Variants in MRC1 observed in about 807,000 individuals in gnomAD.
The protein encoded by MRC1 is macrophage mannose receptor 1.
A neutral mutation model predicts 102.9 loss-of-function variants in MRC1; 62 were observed. The ratio of observed to expected loss-of-function variants is 0.60; its 90% confidence interval spans 0.49 to 0.74. The LOEUF is 0.74. Among genes scored for constraint, MRC1 ranks in the 30% least tolerant of loss-of-function variants. The pLI, the probability that MRC1 is intolerant of heterozygous loss-of-function variation, is 0.00. For missense variants in MRC1, 1,237 were observed against 862.8 expected, an observed-to-expected ratio of 1.43 and a Z score of -5.43; for synonymous variants, 457 against 298.4, an observed-to-expected ratio of 1.53 and a Z score of -5.48.
chr10:17,824,298 A>G (rs1268140206), intron 2 of MRC1, among the ~76,000 whole-genome samples: 1 of 152,222 alleles, frequency 6.6e-6, no homozygotes, highest in Non-Finnish European at 1.5e-5. Flanking sequence ...ATCACATTTT[A>G]GGTTTGGATA....
At chr10:17,867,019 A>C (rs1304147585) in intron 12 of MRC1, among the ~76,000 whole-genome samples, 1 of 148,490 alleles carries the variant, frequency 6.7e-6, no homozygotes, top group Non-Finnish European at 1.5e-5. Flanking sequence ...TGCCGCTATC[A>C]CCTCCTCTCT....
intron 23 of MRC1, among the ~76,000 whole-genome samples, chr10:17,897,048 C>T (rs1352047717): frequency 6.6e-6 from 1 of 152,196 alleles, no homozygotes; most frequent in Non-Finnish European, 1.5e-5. Context: ...ATGAATGTGG[C>T]TGTGTTCCAG....
intron 23 of MRC1, 98 bp from the exon 24 acceptor site, chr10:17,897,936 T>G: frequency 2.6e-6 from 2 of 772,482 alleles, no homozygotes; most frequent in Admixed American, 3.4e-5. Context: ...TTATGCTACT[T>G]TGCTTATTTT....
chr10:17,894,008 T>C (rs945315148), intron 22 of MRC1, among the ~76,000 whole-genome samples: 43 of 152,302 alleles, frequency 2.8e-4, no homozygotes, highest in South Asian at 1.0e-3. Flanking sequence ...TCGATTCATA[T>C]AGTGAGAGTT....
At chr10:17,872,184 C>G in intron 15 of MRC1, 58 bp downstream of exon 15, 1 of 779,050 alleles carries the variant, frequency 1.3e-6, no homozygotes, top group Admixed American at 1.7e-5. Context: ...CCTGACACCC[C>G]AGAATCTTTC....
At chr10:17,861,248 G>A (rs1833180169) in intron 9 of MRC1, 139 bp from the exon 10 acceptor site, 1 of 528,370 alleles carries the variant, frequency 1.9e-6, no homozygotes, top group Non-Finnish European at 3.4e-6. Flanking sequence ...GGCAGGCGGA[G>A]GTTGCAGTGA....
intron 12 of MRC1, among the ~76,000 whole-genome samples, chr10:17,867,526 G>C (rs1054962116): frequency 3.3e-5 from 5 of 152,050 alleles, no homozygotes; most frequent in Middle Eastern, 3.4e-3. Context: ...GGGCTCAAGT[G>C]CTCCTCCCAC....
chr10:17,852,365 A>C (rs990277444), intron 7 of MRC1, among the ~76,000 whole-genome samples: 2,783 of 152,270 alleles, frequency 0.018, 86 homozygotes, highest in African/African-American at 0.063. Context: ...ATAGGTACCA[A>C]ATGTCAGGTG....
intron 7 of MRC1, among the ~76,000 whole-genome samples, 179 bp from the exon 8 acceptor site, chr10:17,852,788 C>T (rs898242575): frequency 2.0e-5 from 3 of 152,158 alleles, no homozygotes; most frequent in Admixed American, 6.5e-5. Flanking sequence ...ATGTAGTTGG[C>T]ATCTAAGTCG....
At chr10:17,866,434 C>G in intron 11 of MRC1, 128 bp from the exon 12 acceptor site, 3 of 758,132 alleles carry the variant, frequency 4.0e-6, no homozygotes, top group South Asian at 1.4e-5. Flanking sequence ...GTGTTACAAA[C>G]CCCCCTGCAT....
At chr10:17,831,612 A>C (rs1306175814) in intron 3 of MRC1, among the ~76,000 whole-genome samples, 9 of 151,412 alleles carry the variant, frequency 5.9e-5, no homozygotes, top group Non-Finnish European at 1.2e-4. Flanking sequence ...GTGCTTATGG[A>C]AAATTGCCTA....
At chr10:17,810,011 G>A (rs1022324703) in intron 1 of MRC1, among the ~76,000 whole-genome samples, 7 of 152,070 alleles carry the variant, frequency 4.6e-5, no homozygotes, top group Non-Finnish European at 7.4e-5. Context: ...GAGATTCTAA[G>A]CAATTTCCAT....
chr10:17,834,796 G>A (rs983835060), intron 4 of MRC1, among the ~76,000 whole-genome samples: 9 of 152,144 alleles, frequency 5.9e-5, no homozygotes, highest in Non-Finnish European at 8.8e-5. Flanking sequence ...GAGAGTATCC[G>A]TTTTAGCTTC....
chr10:17,909,954 A>G (rs1357076827), intron 29 of MRC1, among the ~76,000 whole-genome samples: 1 of 152,148 alleles, frequency 6.6e-6, no homozygotes, highest in Non-Finnish European at 1.5e-5. Flanking sequence ...GAAATAAGGT[A>G]TATATATTTT....
At chr10:17,888,494 C>T (rs1424206160) in intron 22 of MRC1, among the ~76,000 whole-genome samples, 1 of 152,038 alleles carries the variant, frequency 6.6e-6, no homozygotes, top group Non-Finnish European at 1.5e-5. Flanking sequence ...CTGCAGTCAC[C>T]TTTTTTTGGT....
At position 17,833,695 on chromosome 10, in the gene MRC1, T is replaced by C. The variant is rs781893230; in HGVS notation, c.658T>C (p.Trp220Arg). Reference protein sequence around the residue: ...PLKFEGSESLWNKDPLTSVSY... With the variant: ...PLKFEGSESLRNKDPLTSVSY... ...CACAGTTGAGGGCAGTGAAAGCTTA[T>C]GGAATAAAGACCCGCTGACCAGCGT... Residue 220 changes from tryptophan (W) to arginine (R), a missense_variant, in exon 4 of 30, where the codon TGG (tryptophan) becomes CGG (arginine). Transcript: ENST00000569591. The C allele has an allele frequency of 2.6e-6, 2 of 781,038 alleles. No individual in the cohort carries two copies. The highest frequency in any genetic ancestry group is 1.7e-5 in the Admixed American group (1 of 59,036). 48.4% of individuals were successfully genotyped at this position (781,038 alleles called of 1,614,324 possible). A position where few individuals can be genotyped will look rare whatever the true frequency, so the allele number is the denominator to read the frequency against.
At chr10:17,884,906 G>C (rs987662154) in intron 21 of MRC1, among the ~76,000 whole-genome samples, 1 of 152,250 alleles carries the variant, frequency 6.6e-6, no homozygotes, top group East Asian at 1.9e-4. Flanking sequence ...TTACAGAATC[G>C]GGACAGCTGC....
chr10:17,883,046 C>T (rs937160933), intron 21 of MRC1, among the ~76,000 whole-genome samples: 9 of 152,082 alleles, frequency 5.9e-5, no homozygotes, highest in Non-Finnish European at 1.2e-4. Flanking sequence ...AGAGCTTTTC[C>T]ATGTTTCATT....
chr10:17,904,999 C>T (rs1833877509), intron 26 of MRC1, among the ~76,000 whole-genome samples: 1 of 152,174 alleles, frequency 6.6e-6, no homozygotes. Context: ...TTTTTACAAA[C>T]ACTTGAAGGG....
Sources: allele counts gnomAD v4.1 joint callset (sites outside exome capture counted in the v4.1 genomes callset), GRCh38; gene constraint gnomAD v4.1.1; transcripts MANE v1.5; gene names NCBI Gene and HGNC (gene_info 2026-07-23, HGNC 2026-07-21).